The following BNC2 variants were observed in gnomAD, a reference collection of about 807,000 sequenced individuals.
BNC2 encodes the protein basonuclin zinc finger protein 2.
A neutral mutation model predicts 76.3 loss-of-function variants in BNC2; 20 were observed. The observed-to-expected ratio is 0.26, with a 90% CI of 0.18 to 0.38. The LOEUF is 0.38. Among genes scored for constraint, BNC2 ranks in the 10% least tolerant of loss-of-function variants. The pLI, the probability that BNC2 is intolerant of heterozygous loss-of-function variation, is 1.00. For synonymous variants in BNC2, 582 were observed against 514.8 expected, an observed-to-expected ratio of 1.13 and a Z score of -1.77; for missense variants, 1,382 against 1,399.8, an observed-to-expected ratio of 0.99 and a Z score of 0.20.
At chr9:16,520,613 G>C (rs1817587646) in intron 5 of BNC2, among the ~76,000 whole-genome samples, 1 of 152,186 alleles carries the variant, frequency 6.6e-6, no homozygotes, top group Non-Finnish European at 1.5e-5. Flanking sequence ...GCACATAAGA[G>C]AGTGTAGACC....
intron 3 of BNC2, among the ~76,000 whole-genome samples, chr9:16,655,137 T>C (rs995777709): frequency 1.3e-5 from 2 of 151,612 alleles, no homozygotes; most frequent in African/African-American, 4.9e-5. Context: ...TGCCACATTA[T>C]GCTTCATATT....
intron 3 of BNC2, among the ~76,000 whole-genome samples, chr9:16,725,458 G>A (rs1361443967): frequency 1.3e-5 from 2 of 151,962 alleles, no homozygotes; most frequent in African/African-American, 4.8e-5. Context: ...AACATTCAGT[G>A]ACCATGACAG....
At chr9:16,558,569 T>G (rs765025574) in intron 4 of BNC2, among the ~76,000 whole-genome samples, 13 of 152,200 alleles carry the variant, frequency 8.5e-5, no homozygotes, top group Non-Finnish European at 1.5e-4. Context: ...TGAAGTCACA[T>G]TCTGTAAGTT....
intron 3 of BNC2, among the ~76,000 whole-genome samples, chr9:16,682,818 G>A (rs1298749795): frequency 6.6e-6 from 1 of 152,184 alleles, no homozygotes; most frequent in Non-Finnish European, 1.5e-5. Context: ...ACTGTGCTGA[G>A]CTAAATGTAA....
intron 1 of BNC2, among the ~76,000 whole-genome samples, chr9:16,816,431 C>T (rs1180948407): frequency 6.6e-6 from 1 of 152,332 alleles, no homozygotes; most frequent in Non-Finnish European, 1.5e-5. Flanking sequence ...CAGTTCTGCG[C>T]TGTTAAATAC....
intron 1 of BNC2, among the ~76,000 whole-genome samples, chr9:16,761,065 C>T (rs1340485103): frequency 7.0e-6 from 1 of 142,220 alleles, no homozygotes; most frequent in Admixed American, 7.1e-5. Flanking sequence ...AAACACAGAG[C>T]GGCCCCGTCT....
At chr9:16,665,474 G>GAAAGAAAGA (rs1563888029) in intron 3 of BNC2, among the ~76,000 whole-genome samples, 1 of 140,844 alleles carries the variant, frequency 7.1e-6, no homozygotes, top group Non-Finnish European at 1.5e-5. Context: ...AAGAAAGAAA[G>GAAAGAAAGA]AAAGAAAGAA....
chr9:16,827,177 C>G (rs1818470415), intron 1 of BNC2, among the ~76,000 whole-genome samples: 1 of 152,208 alleles, frequency 6.6e-6, no homozygotes, highest in Non-Finnish European at 1.5e-5. Context: ...TCTCAGCATT[C>G]TAACTTGTGC....
intron 4 of BNC2, among the ~76,000 whole-genome samples, chr9:16,580,413 A>T (rs1819601895): frequency 6.6e-6 from 1 of 152,210 alleles, no homozygotes; most frequent in South Asian, 2.1e-4. Flanking sequence ...AGGTCTGAGA[A>T]ACACCAAAAT....
intron 1 of BNC2, chr9:16,832,197 G>T: frequency 1.0e-6 from 1 of 975,148 alleles, no homozygotes; most frequent in Non-Finnish European, 1.4e-6. Flanking sequence ...AAACTACAAG[G>T]TAGTCTTCAA....
intron 1 of BNC2, among the ~76,000 whole-genome samples, chr9:16,866,137 G>C (rs548265142): frequency 6.6e-6 from 1 of 152,198 alleles, no homozygotes; most frequent in East Asian, 1.9e-4. Flanking sequence ...TATGATCAAT[G>C]ACTCTTTAAC....
chr9:16,612,221 C>G (rs1488405998), intron 3 of BNC2, among the ~76,000 whole-genome samples: 1 of 152,128 alleles, frequency 6.6e-6, no homozygotes, highest in Non-Finnish European at 1.5e-5. Flanking sequence ...AATCCTCCAG[C>G]CTGACTAGCC....
At chr9:16,642,560 C>G (rs556974942) in intron 3 of BNC2, among the ~76,000 whole-genome samples, 1 of 152,294 alleles carries the variant, frequency 6.6e-6, no homozygotes, top group South Asian at 2.1e-4. Context: ...ATTTTTCTTT[C>G]ACTTCTGAGG....
chr9:16,832,178 C>T (rs1818591315), intron 1 of BNC2: 1 of 743,178 alleles, frequency 1.3e-6, no homozygotes, highest in East Asian at 7.0e-5. Flanking sequence ...CATTCATGCG[C>T]CCTTATTAAA....
chr9:16,664,023 A>C (rs940495519), intron 3 of BNC2, among the ~76,000 whole-genome samples: 1 of 152,230 alleles, frequency 6.6e-6, no homozygotes, highest in African/African-American at 2.4e-5. Context: ...ATTAGAGATT[A>C]GTTATGAAAA....
At chr9:16,495,558 T>G (rs1822370552) in intron 5 of BNC2, among the ~76,000 whole-genome samples, 1 of 152,260 alleles carries the variant, frequency 6.6e-6, no homozygotes, top group Non-Finnish European at 1.5e-5. Context: ...ACATATGCAC[T>G]GCCCAAAGTG....
intron 1 of BNC2, among the ~76,000 whole-genome samples, chr9:16,812,986 A>T (rs140004267): frequency 0.096 from 14,631 of 152,108 alleles, 943 homozygotes; most frequent in Non-Finnish European, 0.15. Flanking sequence ...AGGTGGGCGG[A>T]TTACCTGAGG....
chr9:16,865,172 A>T (rs1346741090), intron 1 of BNC2, among the ~76,000 whole-genome samples: 1 of 152,110 alleles, frequency 6.6e-6, no homozygotes, highest in Non-Finnish European at 1.5e-5. Context: ...AGGGACTATG[A>T]ACTCATGAAC....
chr9:16,457,305 G>C (rs951551561), intron 5 of BNC2, among the ~76,000 whole-genome samples: 12 of 151,990 alleles, frequency 7.9e-5, no homozygotes, highest in South Asian at 2.1e-4. Flanking sequence ...GTTAGTTTTG[G>C]GGGGACTAAC....
Sources: allele counts gnomAD v4.1 joint callset (sites outside exome capture counted in the v4.1 genomes callset), GRCh38; gene constraint gnomAD v4.1.1; transcripts MANE v1.5; gene names NCBI Gene and HGNC (gene_info 2026-07-23, HGNC 2026-07-21).